Variants in FHIP2A observed in about 807,000 individuals in gnomAD.
The protein encoded by FHIP2A is family with sequence similarity 160 member B1.
A neutral mutation model predicts 93.5 loss-of-function variants in FHIP2A; 46 were observed. That is an observed-to-expected ratio of 0.49 (90% CI 0.39 to 0.63). The LOEUF (loss-of-function observed/expected upper bound fraction) is 0.63. Among genes scored for constraint, FHIP2A ranks in the 20% least tolerant of loss-of-function variants. The pLI is 0.00. For missense variants in FHIP2A, 769 were observed against 909.7 expected, an observed-to-expected ratio of 0.85 and a Z score of 1.99; for synonymous variants, 332 against 326.5, an observed-to-expected ratio of 1.02 and a Z score of -0.18.
Position 114,862,919 on chromosome 10 carries a change from C to T in FHIP2A, c.*1379C>T, listed in dbSNP as rs2083808914. ...GAAGTTATTTTATGTAGCATGTTTG[C>T]ATATACGCATTGTGTGGCATGTGCA... On this transcript the variant is annotated 3_prime_UTR_variant, in exon 17 of 17. Transcript: ENST00000369248. 2.0e-6 allele frequency: 2 copies of T among 985,294 alleles called. No individual in the cohort carries two copies. The highest frequency in any genetic ancestry group is 1.7e-5 in the African/African-American group (1 of 57,228). The allele number at this position is 985,294 out of a possible 1,614,324, so 61.0% of individuals were successfully genotyped here.
At chr10:114,865,013 A>T (rs2083821663), downstream of FHIP2A, among the ~76,000 whole-genome samples, 1 of 71,490 alleles carries the variant, frequency 1.4e-5, no homozygotes, top group Non-Finnish European at 3.9e-5. Flanking sequence ...TTTGAGGCAG[A>T]GTCTCGCTCT....
chr10:114,824,429 G>C (rs1257549978), intron 1 of FHIP2A, among the ~76,000 whole-genome samples: 1 of 152,198 alleles, frequency 6.6e-6, no homozygotes, highest in African/African-American at 2.4e-5. Context: ...GAAAAAGTTA[G>C]AGTGGCTTGT....
intron 16 of FHIP2A, among the ~76,000 whole-genome samples, chr10:114,883,702 C>T (rs1255100303): frequency 2.0e-5 from 3 of 152,198 alleles, no homozygotes; most frequent in Non-Finnish European, 4.4e-5. Flanking sequence ...TTGTCTCAGC[C>T]TCCCAAGTAG....
At chr10:114,859,584 T>C (rs2083785939) in intron 14 of FHIP2A, among the ~76,000 whole-genome samples, 3 of 152,202 alleles carry the variant, frequency 2.0e-5, no homozygotes, top group African/African-American at 7.2e-5. Flanking sequence ...TCCGTTTCCT[T>C]TGGCTGCTTA....
chr10:114,827,745 C>G (rs1359207038), intron 1 of FHIP2A, among the ~76,000 whole-genome samples: 1 of 141,024 alleles, frequency 7.1e-6, no homozygotes, highest in African/African-American at 2.6e-5. Context: ...TGCAGTGAGC[C>G]GAGATCACGC....
At chr10:114,868,006 A>G (rs1313086298), downstream of FHIP2A, among the ~76,000 whole-genome samples, 7 of 149,392 alleles carry the variant, frequency 4.7e-5, no homozygotes, top group Non-Finnish European at 8.9e-5. Flanking sequence ...CGGTGGCACT[A>G]TCAGCTCACT....
chr10:114,827,380 G>A (rs1043711872), intron 1 of FHIP2A, among the ~76,000 whole-genome samples: 7 of 152,228 alleles, frequency 4.6e-5, no homozygotes, highest in African/African-American at 1.7e-4. Context: ...CAGAGATTGA[G>A]TGATGAAAAA....
At chr10:114,823,300 G>A (rs1234656440) in intron 1 of FHIP2A, among the ~76,000 whole-genome samples, 1 of 152,110 alleles carries the variant, frequency 6.6e-6, no homozygotes, top group Non-Finnish European at 1.5e-5. Flanking sequence ...TATCAAACAG[G>A]AAAAACAGGG....
chr10:114,841,511 C>T (rs557743802), intron 5 of FHIP2A, among the ~76,000 whole-genome samples: 1 of 152,050 alleles, frequency 6.6e-6, no homozygotes, highest in Non-Finnish European at 1.5e-5. Context: ...AGGCTGGTCT[C>T]GAACTCCTGA....
intron 13 of FHIP2A, among the ~76,000 whole-genome samples, chr10:114,854,617 G>A (rs569577619): frequency 1.3e-4 from 20 of 152,324 alleles, no homozygotes; most frequent in Middle Eastern, 3.4e-3. Context: ...TGTTAGGAAC[G>A]TTTTTAAGTG....
chr10:114,860,170 C>A (rs1320900249), intron 14 of FHIP2A, among the ~76,000 whole-genome samples: 2 of 152,056 alleles, frequency 1.3e-5, no homozygotes, highest in Non-Finnish European at 2.9e-5. Flanking sequence ...ATTGAATCAA[C>A]CTGCATAAAA....
At chr10:114,824,824 C>G (rs138122776) in intron 1 of FHIP2A, among the ~76,000 whole-genome samples, 18 of 152,120 alleles carry the variant, frequency 1.2e-4, no homozygotes, top group Admixed American at 1.3e-4. Context: ...TTAGCATTTC[C>G]TGATGCAGTA....
chr10:114,844,518 C>T (rs144885252), intron 7 of FHIP2A, among the ~76,000 whole-genome samples: 222 of 152,274 alleles, frequency 1.5e-3, no homozygotes, highest in Non-Finnish European at 2.4e-3. Context: ...GTATTTTTAA[C>T]GTGTCTTTCT....
chr10:114,851,714 CAAAA>C lies in FHIP2A; in HGVS notation c.1803+2996_1803+2999del, dbSNP rs60649106. ...TTTAGGATTACTTTGTCCATTTCTG[CAAAA>C]AAAAAAAAAAAAAAAAAAGCAATTG... is the stretch of plus-strand genomic sequence containing the variant. On this transcript the variant is annotated intron_variant, in intron 13 of 16. Coordinates refer to ENST00000369248, the MANE Select transcript of FHIP2A (RefSeq NM_020940.4). Among the ~76,000 whole-genome samples the C allele has an allele frequency of 6.0e-3, 494 of 81,946 alleles. 6 individuals carry two copies. The highest frequency in any genetic ancestry group is 0.023 in the African/African-American group (473 of 20,592). 53.8% of individuals were successfully genotyped at this position (81,946 alleles called of 152,430 possible).
intron 9 of FHIP2A, 28 bp from the exon 10 acceptor site, chr10:114,846,147 C>T: frequency 1.2e-6 from 2 of 1,612,170 alleles, no homozygotes; most frequent in Non-Finnish European, 1.7e-6. Context: ...TTATTTTTGC[C>T]CACTGACTAC....
intron 1 of FHIP2A, among the ~76,000 whole-genome samples, chr10:114,823,169 G>A (rs2083548892): frequency 6.6e-6 from 1 of 151,954 alleles, no homozygotes; most frequent in African/African-American, 2.4e-5. Context: ...ATTTTTTATG[G>A]GCAGGCAAAA....
downstream of FHIP2A, among the ~76,000 whole-genome samples, chr10:114,868,636 A>G (rs755220536): frequency 1.3e-5 from 2 of 152,142 alleles, no homozygotes; most frequent in Non-Finnish European, 2.9e-5. Context: ...CCTTACATGA[A>G]GGTAAAACCC....
chr10:114,856,505 C>T (rs1032829556), intron 14 of FHIP2A, among the ~76,000 whole-genome samples: 2 of 151,950 alleles, frequency 1.3e-5, no homozygotes, highest in Non-Finnish European at 2.9e-5. Flanking sequence ...GTTTGCTAGG[C>T]GTAGTTTAAA....
intron 13 of FHIP2A, among the ~76,000 whole-genome samples, chr10:114,850,580 G>C (rs1455313493): frequency 6.6e-6 from 1 of 152,142 alleles, no homozygotes; most frequent in Non-Finnish European, 1.5e-5. Flanking sequence ...TGCACCTGTA[G>C]TTCCAGCTAT....
Sources: gnomAD v4.1 joint callset for allele counts (sites outside exome capture counted in the v4.1 genomes callset) on GRCh38, gnomAD v4.1.1 for gene constraint, MANE v1.5 for transcripts, NCBI Gene and HGNC (gene_info 2026-07-23, HGNC 2026-07-21) for gene names.